RANBP2: variants seen among roughly 807,000 people sequenced by gnomAD.
RANBP2 encodes RAN binding protein 2, also known as E3 SUMO-protein ligase RanBP2.
RANBP2 carries 57 observed loss-of-function variants against 303.6 expected under a neutral mutation model. The ratio of observed to expected loss-of-function variants is 0.19; its 90% confidence interval spans 0.15 to 0.23. The LOEUF (loss-of-function observed/expected upper bound fraction) is 0.23, where lower values mean the gene tolerates loss of function less well. Ranked by LOEUF, RANBP2 falls within the 10% of genes least tolerant of loss-of-function variation. The probability of loss-of-function intolerance (pLI) is 1.00; values close to 1 mark genes in which losing one functional copy is unlikely to be tolerated. For synonymous variants in RANBP2, 1,167 were observed against 1,301.5 expected, an observed-to-expected ratio of 0.90 and a Z score of 2.23; for missense variants, 3,138 against 3,780.8, an observed-to-expected ratio of 0.83 and a Z score of 4.46.
the RANBP2 span, among the ~76,000 whole-genome samples, chr2:108,979,708 G>A: frequency 1.3e-5 from 2 of 152,122 alleles, no homozygotes; most frequent in Non-Finnish European, 2.9e-5. Context: ...GAGGAGAGGA[G>A]GGCTTGAGCA....
At chr2:109,345,061 A>G in the RANBP2 span, among the ~76,000 whole-genome samples, 1 of 152,130 alleles carries the variant, frequency 6.6e-6, no homozygotes. Context: ...GAATTCATGA[A>G]AGACAGAATC....
At chr2:109,703,325 C>T in the RANBP2 span, among the ~76,000 whole-genome samples, 5 of 152,200 alleles carry the variant, frequency 3.3e-5, no homozygotes, top group Admixed American at 2.0e-4. Context: ...CAACTCTAAT[C>T]GAATAGCACT....
chr2:108,798,330 G>A, the RANBP2 span: 3 of 1,395,342 alleles, frequency 2.2e-6, no homozygotes, highest in Non-Finnish European at 2.9e-6. Flanking sequence ...CTGTATTCCT[G>A]AAAACCACTT....
At chr2:109,376,347 C>G in the RANBP2 span, among the ~76,000 whole-genome samples, 33 of 152,278 alleles carry the variant, frequency 2.2e-4, no homozygotes, top group African/African-American at 7.7e-4. Flanking sequence ...CTTTAAGGAG[C>G]ATTGTCAGGA....
chr2:109,625,587 A>T, the RANBP2 span, among the ~76,000 whole-genome samples: 1 of 151,618 alleles, frequency 6.6e-6, no homozygotes, highest in African/African-American at 2.4e-5. Context: ...AATCGCTTGA[A>T]CTCGGGAGGT....
the RANBP2 span, among the ~76,000 whole-genome samples, chr2:109,145,217 G>A: frequency 1.3e-5 from 2 of 152,264 alleles, no homozygotes; most frequent in East Asian, 3.9e-4. Context: ...GTCCTGGCTG[G>A]GTCCTTCCTG....
chr2:109,257,557 G>A, the RANBP2 span, among the ~76,000 whole-genome samples: 5 of 152,142 alleles, frequency 3.3e-5, no homozygotes, highest in African/African-American at 4.8e-5. Context: ...GCCCAAGTTC[G>A]TGGTGAGTGA....
the RANBP2 span, among the ~76,000 whole-genome samples, chr2:108,946,369 T>G: frequency 2.6e-5 from 4 of 152,314 alleles, no homozygotes; most frequent in East Asian, 5.8e-4. Context: ...CCATGGGGCT[T>G]GGTAAAGACT....
At chr2:109,352,593 G>A in the RANBP2 span, among the ~76,000 whole-genome samples, 2,979 of 152,312 alleles carry the variant, frequency 0.02, 93 homozygotes, top group African/African-American at 0.068. Flanking sequence ...AAGCTTGTGC[G>A]GAGCTCCACG....
the RANBP2 span, among the ~76,000 whole-genome samples, chr2:109,371,161 G>C: frequency 6.6e-6 from 1 of 152,192 alleles, no homozygotes; most frequent in Non-Finnish European, 1.5e-5. Flanking sequence ...GGCCAAGGCG[G>C]GCAGATTGCC....
the RANBP2 span, among the ~76,000 whole-genome samples, chr2:109,698,419 T>C: frequency 6.7e-6 from 1 of 150,132 alleles, no homozygotes; most frequent in Admixed American, 6.6e-5. Context: ...TGAGCTGAGA[T>C]CGCGCCACTG....
At chr2:109,612,534 T>A in the RANBP2 span, among the ~76,000 whole-genome samples, 2 of 152,200 alleles carry the variant, frequency 1.3e-5, no homozygotes, top group African/African-American at 4.8e-5. Flanking sequence ...TAACGCAAAA[T>A]ACAGTTTAAT....
chr2:108,891,873 G>A, the RANBP2 span, among the ~76,000 whole-genome samples: 1 of 152,172 alleles, frequency 6.6e-6, no homozygotes, highest in Non-Finnish European at 1.5e-5. Context: ...ACCAGGTGAT[G>A]TGATGGTGGC....
At chr2:109,613,303 T>A in the RANBP2 span, 2 of 591,576 alleles carry the variant, frequency 3.4e-6, no homozygotes, top group African/African-American at 1.9e-5. Flanking sequence ...AAAAACGGTT[T>A]AAAATCCCAA....
At chr2:109,023,889 T>C in the RANBP2 span, among the ~76,000 whole-genome samples, 1 of 152,278 alleles carries the variant, frequency 6.6e-6, no homozygotes, top group Admixed American at 6.5e-5. Context: ...CAAGGTAATG[T>C]ACCTGCATTT....
At chr2:109,234,098 G>A in the RANBP2 span, among the ~76,000 whole-genome samples, 4 of 152,200 alleles carry the variant, frequency 2.6e-5, no homozygotes, top group Non-Finnish European at 5.9e-5. Context: ...GGATCATAAG[G>A]TGAATGTGTG....
the RANBP2 span, among the ~76,000 whole-genome samples, chr2:109,602,722 C>T: frequency 6.7e-6 from 1 of 150,316 alleles, no homozygotes; most frequent in African/African-American, 2.4e-5. Context: ...GCTCGAATTC[C>T]TTCAAAAGAG....
chr2:108,932,858 G>C, the RANBP2 span, among the ~76,000 whole-genome samples: 2 of 152,326 alleles, frequency 1.3e-5, no homozygotes, highest in African/African-American at 4.8e-5. Flanking sequence ...CAAGGCTGCT[G>C]CTTAACTTGT....
chr2:108,907,490 T>A, the RANBP2 span, among the ~76,000 whole-genome samples: 12 of 151,834 alleles, frequency 7.9e-5, 1 homozygote, highest in South Asian at 1.9e-3. Flanking sequence ...TACTAAAATA[T>A]AAAAAAAATT....
Sources: allele counts gnomAD v4.1 joint callset (sites outside exome capture counted in the v4.1 genomes callset), GRCh38; gene constraint gnomAD v4.1.1; transcripts MANE v1.5; gene names NCBI Gene and HGNC (gene_info 2026-07-23, HGNC 2026-07-21).